The following RIMS2 variants were observed in gnomAD, a reference collection of about 807,000 sequenced individuals.
RIMS2 encodes regulating synaptic membrane exocytosis 2.
In RIMS2, 59 loss-of-function variants were observed where a neutral mutation model predicts 174.4. That is an observed-to-expected ratio of 0.34 (90% CI 0.27 to 0.42). RIMS2 has a LOEUF of 0.42. RIMS2 is among the 10% of genes least tolerant of loss of function. The pLI is 1.00. For synonymous variants in RIMS2, 606 were observed against 572.5 expected (o/e 1.06, Z -0.84); for missense variants, 1,620 against 1,666.3 (o/e 0.97, Z 0.48).
At chr8:103,661,807 G>C (rs2096604955) in intron 1 of RIMS2, among the ~76,000 whole-genome samples, 1 of 152,150 alleles carries the variant, frequency 6.6e-6, no homozygotes, top group African/African-American at 2.4e-5. Context: ...ATCTAGCCTA[G>C]ATGCTGTTTT....
At chr8:103,523,772 T>C (rs1307416270) in intron 1 of RIMS2, among the ~76,000 whole-genome samples, 1 of 152,182 alleles carries the variant, frequency 6.6e-6, no homozygotes, top group East Asian at 1.9e-4. Context: ...TTGTGATTTT[T>C]TTTTCAATTT....
chr8:103,802,092 G>T (rs1012797876), intron 3 of RIMS2, among the ~76,000 whole-genome samples: 8 of 152,126 alleles, frequency 5.3e-5, no homozygotes, highest in African/African-American at 1.9e-4. Context: ...GTTAGCCAAT[G>T]GTGGTGGTTT....
intron 17 of RIMS2, among the ~76,000 whole-genome samples, chr8:103,992,604 C>T (rs893544936): frequency 7.9e-5 from 12 of 152,070 alleles, no homozygotes; most frequent in African/African-American, 2.4e-4. Context: ...CTTGGTTAAA[C>T]TTGGGTGGTG....
chr8:103,795,942 A>T (rs963222270), intron 3 of RIMS2, among the ~76,000 whole-genome samples: 2 of 152,206 alleles, frequency 1.3e-5, no homozygotes, highest in Non-Finnish European at 2.9e-5. Flanking sequence ...CTTCCTCCGA[A>T]AGTAGCAGCT....
At chr8:103,899,671 C>T (rs1490562228) in intron 4 of RIMS2, among the ~76,000 whole-genome samples, 1 of 151,536 alleles carries the variant, frequency 6.6e-6, no homozygotes, top group Non-Finnish European at 1.5e-5. Context: ...CTGTAGGTTG[C>T]CTGTTCACTC....
chr8:103,640,820 G>A (rs1467022010), intron 1 of RIMS2, among the ~76,000 whole-genome samples: 3 of 151,946 alleles, frequency 2.0e-5, no homozygotes, highest in African/African-American at 7.2e-5. Flanking sequence ...AGAAGAATGT[G>A]TATTATGCTG....
intron 16 of RIMS2, among the ~76,000 whole-genome samples, chr8:103,984,048 C>A (rs932792887): frequency 4.6e-5 from 7 of 152,090 alleles, no homozygotes; most frequent in Non-Finnish European, 8.8e-5. Context: ...GTGGCGGGCA[C>A]CTGTAGTCCC....
At chr8:103,565,493 C>T (rs934166977) in intron 1 of RIMS2, among the ~76,000 whole-genome samples, 2 of 151,956 alleles carry the variant, frequency 1.3e-5, no homozygotes, top group African/African-American at 2.4e-5. Flanking sequence ...TTTGTAGACA[C>T]GTCGTTTTTG....
At chr8:103,834,096 A>G (rs1463654855) in intron 3 of RIMS2, among the ~76,000 whole-genome samples, 8 of 151,364 alleles carry the variant, frequency 5.3e-5, no homozygotes, top group Admixed American at 5.3e-4. Context: ...TGCAGCCTCA[A>G]CCCTCTGGGC....
chr8:103,638,928 T>C (rs1272017691), intron 1 of RIMS2, among the ~76,000 whole-genome samples: 1 of 152,060 alleles, frequency 6.6e-6, no homozygotes, highest in East Asian at 1.9e-4. Context: ...CATCTATCTT[T>C]AAAATATGTA....
At chr8:104,203,797 C>A (rs1288477288) in intron 19 of RIMS2, among the ~76,000 whole-genome samples, 1 of 152,082 alleles carries the variant, frequency 6.6e-6, no homozygotes. Flanking sequence ...AGCCACAGTG[C>A]CTGATCTACT....
In RIMS2 at chr8:103,880,615, T is replaced by C. The variant is rs887962499; in HGVS notation, c.699-4683T>C. On this transcript the variant is annotated intron_variant, in intron 3 of 23. Coordinates refer to ENST00000504942, the Ensembl canonical transcript of RIMS2. ...GGCTAGAAGGATTAAATGAAAGCAC[T>C]GCCTGGCACACTGTTGATGTATTTT... is the stretch of plus-strand genomic sequence containing the variant. The C allele has an allele frequency of 6.3e-6, 3 of 478,688 alleles. No homozygotes were observed. In the Admixed American group the frequency reaches 9.6e-5, roughly 15 times the overall value. The allele number at this position is 478,688 out of a possible 1,614,324, so 29.7% of individuals were successfully genotyped here.
chr8:103,722,245 A>G (rs2097458570), intron 2 of RIMS2, among the ~76,000 whole-genome samples: 2 of 152,098 alleles, frequency 1.3e-5, no homozygotes, highest in Admixed American at 1.3e-4. Flanking sequence ...ATGGTGGCAC[A>G]TGCCTGTAGT....
At chr8:103,608,837 G>T (rs553282817) in intron 1 of RIMS2, among the ~76,000 whole-genome samples, 1 of 152,180 alleles carries the variant, frequency 6.6e-6, no homozygotes, top group South Asian at 2.1e-4. Context: ...GCAATGCCTC[G>T]CCCTGCTTTG....
chr8:104,019,080 C>T (rs536913251), intron 19 of RIMS2, among the ~76,000 whole-genome samples: 1 of 152,162 alleles, frequency 6.6e-6, no homozygotes, highest in East Asian at 1.9e-4. Flanking sequence ...TGCCTGTAGT[C>T]CCAGCTACTT....
At chr8:104,180,205 ATAAC>A (rs2098931912) in intron 19 of RIMS2, among the ~76,000 whole-genome samples, 1 of 151,790 alleles carries the variant, frequency 6.6e-6, no homozygotes, top group Non-Finnish European at 1.5e-5. Flanking sequence ...TGCAAATAGA[ATAAC>A]TAACTAAAAG....
chr8:103,708,478 ATC>A (rs1255636088), intron 2 of RIMS2, among the ~76,000 whole-genome samples: 2 of 152,040 alleles, frequency 1.3e-5, no homozygotes, highest in Non-Finnish European at 1.5e-5. Flanking sequence ...TAGGTATGTG[ATC>A]TCTCATGTGA....
intron 1 of RIMS2, among the ~76,000 whole-genome samples, chr8:103,509,837 A>G (rs1825593851): frequency 6.6e-6 from 1 of 152,162 alleles, no homozygotes; most frequent in Non-Finnish European, 1.5e-5. Context: ...ACTTTAATAC[A>G]GTTTATATAT....
At chr8:104,123,384 T>G (rs1369458502) in intron 19 of RIMS2, among the ~76,000 whole-genome samples, 1 of 152,028 alleles carries the variant, frequency 6.6e-6, no homozygotes, top group East Asian at 1.9e-4. Context: ...CACTAGTTCA[T>G]TCTACATAGG....
Sources: allele counts gnomAD v4.1 joint callset (sites outside exome capture counted in the v4.1 genomes callset), GRCh38; gene constraint gnomAD v4.1.1; transcripts MANE v1.5; gene names NCBI Gene and HGNC (gene_info 2026-07-23, HGNC 2026-07-21).